The following KCNB2 variants were observed in gnomAD, a reference collection of about 807,000 sequenced individuals.
KCNB2 encodes the protein delayed rectifier potassium channel protein.
In KCNB2, 15 loss-of-function variants were observed where a neutral mutation model predicts 61.5. The ratio of observed to expected loss-of-function variants is 0.24; its 90% CI spans 0.16 to 0.38. The LOEUF (loss-of-function observed/expected upper bound fraction) is 0.38, where lower values mean the gene tolerates loss of function less well. Among genes scored for constraint, KCNB2 ranks in the 10% least tolerant of loss-of-function variants. The pLI is 1.00. For synonymous variants in KCNB2, 457 were observed against 446.0 expected (o/e 1.02, Z -0.31); for missense variants, 828 against 1,125.2 (o/e 0.74, Z 3.78).
At chr8:72,923,851 C>CA (rs1193104014) in intron 2 of KCNB2, among the ~76,000 whole-genome samples, 4 of 152,156 alleles carry the variant, frequency 2.6e-5, no homozygotes, top group African/African-American at 7.2e-5. Flanking sequence ...CTCTTTAGTT[C>CA]ATTTATCTTA....
intron 2 of KCNB2, among the ~76,000 whole-genome samples, chr8:72,721,164 A>G (rs979559107): frequency 1.3e-5 from 2 of 152,250 alleles, no homozygotes; most frequent in Admixed American, 1.3e-4. Flanking sequence ...AACATCATCT[A>G]ACATCATCCT....
intron 2 of KCNB2, among the ~76,000 whole-genome samples, chr8:72,674,183 G>T (rs971764007): frequency 2.4e-4 from 37 of 152,146 alleles, no homozygotes; most frequent in Non-Finnish European, 8.8e-5. Context: ...TGACTGTGGG[G>T]CAAGTTAATT....
chr8:72,702,952 T>A (rs140427298), intron 2 of KCNB2, among the ~76,000 whole-genome samples: 49 of 152,330 alleles, frequency 3.2e-4, no homozygotes, highest in African/African-American at 1.1e-3. Context: ...TTCTGCACAG[T>A]GACCTGGACC....
chr8:72,826,296 G>A (rs1448518542), intron 2 of KCNB2, among the ~76,000 whole-genome samples: 3 of 152,200 alleles, frequency 2.0e-5, no homozygotes, highest in Non-Finnish European at 4.4e-5. Flanking sequence ...ATTATCAACA[G>A]TCTTCCCGTA....
chr8:72,928,969 T>G (rs983121141), intron 2 of KCNB2, among the ~76,000 whole-genome samples: 2 of 152,176 alleles, frequency 1.3e-5, no homozygotes, highest in Non-Finnish European at 2.9e-5. Flanking sequence ...TTCCCAATGC[T>G]GGCTAAAGGC....
chr8:72,927,649 G>T (rs1396849541), intron 2 of KCNB2, among the ~76,000 whole-genome samples: 9 of 152,166 alleles, frequency 5.9e-5, no homozygotes, highest in Non-Finnish European at 2.9e-5. Context: ...TCTCGCAATT[G>T]GTTGTGCAAG....
chr8:72,576,534 T>C (rs1408126060), intron 2 of KCNB2, among the ~76,000 whole-genome samples: 1 of 152,184 alleles, frequency 6.6e-6, no homozygotes, highest in African/African-American at 2.4e-5. Context: ...AAGATAACAG[T>C]AAGCTTGGGA....
chr8:72,639,231 C>T (rs542007575), intron 2 of KCNB2, among the ~76,000 whole-genome samples: 1 of 152,164 alleles, frequency 6.6e-6, no homozygotes, highest in Admixed American at 6.6e-5. Flanking sequence ...TGAGAAAAAC[C>T]CTGGGCTGCA....
rs535182286 is a variant in KCNB2 at position 72,808,298 on chromosome 8, T to G, written c.580-127637T>G. On this transcript the variant is annotated intron_variant, in intron 2 of 2. Coordinates refer to ENST00000523207, the MANE Select transcript of KCNB2 (RefSeq NM_004770.3). Reference sequence around the variant, plus strand: ...GTCAATCTAAATATATATAATAATCTCATAATATTTTTTGAATATTTTTTG... The same window carrying G: ...GTCAATCTAAATATATATAATAATCGCATAATATTTTTTGAATATTTTTTG... Among the ~76,000 whole-genome samples, 18 of 152,324 alleles carry G rather than the reference T, an allele frequency of 1.2e-4. No homozygotes were observed. The South Asian group carries it at 3.1e-3, about 26-fold the overall frequency.
chr8:72,666,234 GTTATT>G (rs1327585917), intron 2 of KCNB2, among the ~76,000 whole-genome samples: 1 of 152,132 alleles, frequency 6.6e-6, no homozygotes, highest in East Asian at 1.9e-4. Flanking sequence ...TCTGGTAGGC[GTTATT>G]TTCTCTTCAG....
chr8:72,561,691 TTATATATATATATATA>T lies in KCNB2; in HGVS notation c.-93-5929_-93-5914del, dbSNP rs1172254677. ...GCTGAAAATTTCCAGGATCTTACTTTTATATATATATATATATATATATATATATATATATATCTAT... is the reference window on the plus strand; with the variant it reads ...GCTGAAAATTTCCAGGATCTTACTTTTATATATATATATATATATATCTAT... On this transcript the variant is annotated intron_variant, in intron 1 of 2. Transcript: ENST00000523207. Among the ~76,000 whole-genome samples, 8 of 19,406 alleles carry T rather than the reference TTATATATATATATATA, an allele frequency of 4.1e-4. 1 individual carries two copies. The highest frequency in any genetic ancestry group is 1.8e-3 in the Admixed American group (2 of 1,142). 12.7% of individuals were successfully genotyped at this position (19,406 alleles called of 152,430 possible).
intron 2 of KCNB2, among the ~76,000 whole-genome samples, chr8:72,581,229 C>T (rs145882641): frequency 4.0e-4 from 61 of 152,314 alleles, no homozygotes; most frequent in Non-Finnish European, 5.9e-4. Flanking sequence ...CAGTCACACA[C>T]CTATGGCCAC....
chr8:72,769,691 T>G (rs764368908), intron 2 of KCNB2, among the ~76,000 whole-genome samples: 1 of 152,112 alleles, frequency 6.6e-6, no homozygotes, highest in Non-Finnish European at 1.5e-5. Flanking sequence ...GAGCTCTGCA[T>G]GCCTCCTGTG....
At chr8:72,615,525 C>T (rs1805606745) in intron 2 of KCNB2, among the ~76,000 whole-genome samples, 1 of 152,212 alleles carries the variant, frequency 6.6e-6, no homozygotes, top group Non-Finnish European at 1.5e-5. Flanking sequence ...AGCCTGAAAT[C>T]TGCATTTTAA....
At chr8:72,912,764 A>G (rs1018104793) in intron 2 of KCNB2, among the ~76,000 whole-genome samples, 8 of 152,102 alleles carry the variant, frequency 5.3e-5, no homozygotes, top group Non-Finnish European at 1.0e-4. Flanking sequence ...TTGGACCCAC[A>G]TAGCCTGGAG....
intron 2 of KCNB2, among the ~76,000 whole-genome samples, chr8:72,769,115 G>A (rs935163644): frequency 1.2e-4 from 19 of 152,066 alleles, no homozygotes; most frequent in Admixed American, 9.2e-4. Flanking sequence ...AGCCGAGATC[G>A]TGCCATTGCA....
rs189836480 is a variant in KCNB2, at chr8:72,645,336, A to T, written c.579+77023A>T. On this transcript the variant is annotated intron_variant, in intron 2 of 2. Coordinates refer to ENST00000523207, the MANE Select transcript of KCNB2 (RefSeq NM_004770.3). ...ACAGACCATATATTCTGTGGTTGGA[A>T]TCCCTTGGCATCAGCTGCTCCTGTA... is the stretch of plus-strand genomic sequence containing the variant. Among the ~76,000 whole-genome samples the T allele has an allele frequency of 8.5e-5, 13 of 152,274 alleles. No individual in the cohort carries two copies. The East Asian group carries it at 2.5e-3, about 29-fold the overall frequency.
intron 2 of KCNB2, among the ~76,000 whole-genome samples, chr8:72,753,144 T>C (rs1808227503): frequency 6.6e-6 from 1 of 152,212 alleles, no homozygotes; most frequent in Admixed American, 6.5e-5. Context: ...ACCTGGATCT[T>C]TGAATAGAGT....
At chr8:72,672,848 G>A (rs1248066807) in intron 2 of KCNB2, among the ~76,000 whole-genome samples, 1 of 152,080 alleles carries the variant, frequency 6.6e-6, no homozygotes, top group Non-Finnish European at 1.5e-5. Flanking sequence ...TTGATACATT[G>A]CAACTTAAAA....
Sources: gnomAD v4.1 joint callset for allele counts (sites outside exome capture counted in the v4.1 genomes callset) on GRCh38, gnomAD v4.1.1 for gene constraint, MANE v1.5 for transcripts, NCBI Gene and HGNC (gene_info 2026-07-23, HGNC 2026-07-21) for gene names.